PGCKA1: variants seen among roughly 807,000 people sequenced by gnomAD.
PGCKA1 encodes the protein PDCD10 and GCKIII kinases associated 1, also known as PDCD10 and GCKIII kinases-associated protein 1.
At chr4:37,561,465 G>A in the PGCKA1 span, among the ~76,000 whole-genome samples, 1 of 152,164 alleles carries the variant, frequency 6.6e-6, no homozygotes, top group African/African-American at 2.4e-5. Flanking sequence ...GGTGGGGTGA[G>A]AAGGCAAAGG....
the PGCKA1 span, chr4:37,591,906 A>G: frequency 1.3e-5 from 2 of 152,152 alleles, no homozygotes; most frequent in Admixed American, 6.5e-5. Flanking sequence ...GTTACTTTCA[A>G]TGTAAAGAAC....
At chr4:37,543,775 A>G in the PGCKA1 span, among the ~76,000 whole-genome samples, 4 of 151,672 alleles carry the variant, frequency 2.6e-5, no homozygotes, top group Admixed American at 6.6e-5. Context: ...CAGAGCTTGC[A>G]GTGAGCCGAG....
At chr4:37,526,069 GT>G in the PGCKA1 span, among the ~76,000 whole-genome samples, 24 of 152,286 alleles carry the variant, frequency 1.6e-4, no homozygotes, top group Non-Finnish European at 2.6e-4. Context: ...AATTATACAT[GT>G]CAAAGCAAAG....
At chr4:37,588,620 A>T in the PGCKA1 span, 1 of 500,244 alleles carries the variant, frequency 2.0e-6, no homozygotes, top group African/African-American at 1.9e-5. Context: ...GAAAGGTCTG[A>T]CACAGAGGCA....
chr4:37,589,703 C>T, the PGCKA1 span, among the ~76,000 whole-genome samples: 1 of 152,206 alleles, frequency 6.6e-6, no homozygotes, highest in African/African-American at 2.4e-5. Flanking sequence ...GTGATCTCAG[C>T]TCACTGCAGC....
the PGCKA1 span, among the ~76,000 whole-genome samples, chr4:37,592,065 G>A: frequency 2.6e-5 from 4 of 151,902 alleles, no homozygotes; most frequent in East Asian, 1.9e-4. Context: ...AAAATTATCC[G>A]GGCACGGTGG....
chr4:37,540,405 C>T, the PGCKA1 span, among the ~76,000 whole-genome samples: 5 of 152,132 alleles, frequency 3.3e-5, no homozygotes, highest in African/African-American at 4.8e-5. Flanking sequence ...TAAGCTTTAA[C>T]GTTAATCGAT....
At chr4:37,486,836 G>T in the PGCKA1 span, among the ~76,000 whole-genome samples, 1 of 152,096 alleles carries the variant, frequency 6.6e-6, no homozygotes, top group African/African-American at 2.4e-5. Context: ...ATATTTGAAT[G>T]ATACAGTCTG....
At chr4:37,552,383 C>G in the PGCKA1 span, among the ~76,000 whole-genome samples, 1 of 152,184 alleles carries the variant, frequency 6.6e-6, no homozygotes, top group Non-Finnish European at 1.5e-5. Flanking sequence ...AAGACAGTAG[C>G]TTGCCGATGC....
chr4:37,505,471 T>C, the PGCKA1 span, among the ~76,000 whole-genome samples: 5 of 152,190 alleles, frequency 3.3e-5, no homozygotes, highest in African/African-American at 1.2e-4. Context: ...TAGTCCATTT[T>C]CATGCTGCTG....
At chr4:37,536,435 G>A in the PGCKA1 span, among the ~76,000 whole-genome samples, 4 of 152,168 alleles carry the variant, frequency 2.6e-5, no homozygotes, top group Non-Finnish European at 5.9e-5. Flanking sequence ...ATAATGGGGT[G>A]CCTCTAGTTT....
the PGCKA1 span, among the ~76,000 whole-genome samples, chr4:37,578,537 G>A: frequency 2.6e-5 from 4 of 152,130 alleles, no homozygotes; most frequent in Non-Finnish European, 4.4e-5. Flanking sequence ...AGCTTAGTCC[G>A]TTTACATTTG....
At chr4:37,508,925 T>C in the PGCKA1 span, among the ~76,000 whole-genome samples, 1 of 149,600 alleles carries the variant, frequency 6.7e-6, no homozygotes, top group Admixed American at 6.7e-5. Flanking sequence ...ACAAAGCACA[T>C]CTTGCACCGC....
At chr4:37,467,070 C>T in the PGCKA1 span, among the ~76,000 whole-genome samples, 1 of 152,128 alleles carries the variant, frequency 6.6e-6, no homozygotes, top group Non-Finnish European at 1.5e-5. Flanking sequence ...TGCACTCCAG[C>T]CTGGGTGACA....
the PGCKA1 span, among the ~76,000 whole-genome samples, chr4:37,453,445 A>G: frequency 2.0e-5 from 3 of 152,122 alleles, no homozygotes; most frequent in Admixed American, 2.0e-4. Context: ...TTCTAGGTCC[A>G]TGTAGCTCAT....
chr4:37,533,643 T>C, the PGCKA1 span, among the ~76,000 whole-genome samples: 8 of 152,146 alleles, frequency 5.3e-5, no homozygotes, highest in South Asian at 1.2e-3. Context: ...AAAAATTGAA[T>C]GAAAAAAACA....
chr4:37,590,568 T>G, the PGCKA1 span: 1 of 1,613,964 alleles, frequency 6.2e-7, no homozygotes, highest in Admixed American at 1.7e-5. Context: ...AGGCAGAAAG[T>G]TTTGCCTTGG....
the PGCKA1 span, among the ~76,000 whole-genome samples, chr4:37,539,079 T>C: frequency 6.6e-6 from 1 of 152,136 alleles, no homozygotes. Context: ...CTAAGGAATC[T>C]GGGAGTGGCC....
the PGCKA1 span, among the ~76,000 whole-genome samples, chr4:37,560,432 C>A: frequency 6.6e-6 from 1 of 152,184 alleles, no homozygotes; most frequent in African/African-American, 2.4e-5. Flanking sequence ...ATTCTATAGG[C>A]CTTTACCTGG....
Sources: gnomAD v4.1 joint callset for allele counts (sites outside exome capture counted in the v4.1 genomes callset) on GRCh38, gnomAD v4.1.1 for gene constraint, MANE v1.5 for transcripts, NCBI Gene and HGNC (gene_info 2026-07-23, HGNC 2026-07-21) for gene names.